The following FLI1 variants were observed in gnomAD, a reference collection of about 807,000 sequenced individuals.
The protein encoded by FLI1 is Friend leukemia integration 1 transcription factor.
Under a neutral mutation model 53.1 loss-of-function variants are expected in FLI1, and 13 were observed. The ratio of observed to expected loss-of-function variants is 0.24; its 90% CI spans 0.16 to 0.39. FLI1 has a LOEUF of 0.39. Ranked by LOEUF, FLI1 falls within the 10% of genes least tolerant of loss-of-function variation. The pLI is 1.00. For missense variants in FLI1, 424 were observed against 600.5 expected, an observed-to-expected ratio of 0.71 and a Z score of 3.07; for synonymous variants, 244 against 236.7, an observed-to-expected ratio of 1.03 and a Z score of -0.28.
upstream of FLI1, chr11:128,693,814 A>C (rs1308064985): frequency 2.6e-5 from 6 of 232,744 alleles, no homozygotes; most frequent in Non-Finnish European, 4.2e-5. Flanking sequence ...GTGTCTGGGC[A>C]TCTCCGCGTA....
intron 1 of FLI1, among the ~76,000 whole-genome samples, chr11:128,739,063 A>T (rs1940021935): frequency 6.6e-6 from 1 of 152,192 alleles, no homozygotes; most frequent in Non-Finnish European, 1.5e-5. Context: ...GCTGCGGATA[A>T]GCACCAAACT....
At chr11:128,718,660 T>G (rs1397061485) in intron 1 of FLI1, among the ~76,000 whole-genome samples, 1 of 152,208 alleles carries the variant, frequency 6.6e-6, no homozygotes, top group Non-Finnish European at 1.5e-5. Flanking sequence ...TTGGTTTGGG[T>G]TTTTTTAGCT....
At chr11:128,709,950 T>A (rs1178851987) in intron 1 of FLI1, among the ~76,000 whole-genome samples, 1 of 152,194 alleles carries the variant, frequency 6.6e-6, no homozygotes, top group Admixed American at 6.5e-5. Flanking sequence ...ATGCTACTAA[T>A]AGGTTTAACT....
At chr11:128,754,274 T>TGC (rs1278848331) in intron 1 of FLI1, among the ~76,000 whole-genome samples, 4 of 144,450 alleles carry the variant, frequency 2.8e-5, no homozygotes, top group Non-Finnish European at 6.1e-5. Context: ...TGTGTGTGTG[T>TGC]GTGCACATAT....
intron 1 of FLI1, among the ~76,000 whole-genome samples, chr11:128,737,526 A>T (rs569305250): frequency 6.6e-6 from 1 of 152,350 alleles, no homozygotes; most frequent in South Asian, 2.1e-4. Context: ...TCATCTGTGA[A>T]CAAGACATTT....
chr11:128,773,939 C>T (rs1335185673), intron 4 of FLI1, among the ~76,000 whole-genome samples: 1 of 152,022 alleles, frequency 6.6e-6, no homozygotes, highest in Non-Finnish European at 1.5e-5. Context: ...TTGTGAATGG[C>T]CAAGGCAGCT....
At chr11:128,688,182 C>T (rs1057340379) in intron 1 of FLI1, among the ~76,000 whole-genome samples, 19 of 152,244 alleles carry the variant, frequency 1.2e-4, no homozygotes, top group African/African-American at 4.1e-4. Flanking sequence ...ATACACACCC[C>T]GGGACCCAGG....
intron 5 of FLI1, among the ~76,000 whole-genome samples, chr11:128,798,697 C>T (rs1423432100): frequency 2.6e-5 from 4 of 152,152 alleles, no homozygotes; most frequent in Admixed American, 2.6e-4. Context: ...ATATTTTCCT[C>T]CTTCCAAGGT....
upstream of FLI1, chr11:128,691,967 G>C (rs1016583242): frequency 2.0e-5 from 3 of 152,140 alleles, no homozygotes; most frequent in African/African-American, 7.2e-5. Flanking sequence ...CACCAGGAAG[G>C]GGGGCCTCCT....
At chr11:128,743,999 G>A (rs1940260850) in intron 1 of FLI1, among the ~76,000 whole-genome samples, 2 of 152,182 alleles carry the variant, frequency 1.3e-5, no homozygotes, top group South Asian at 2.1e-4. Flanking sequence ...CCAATGGAGG[G>A]ACCAGCTGTG....
Position 128,735,961 on chromosome 11 carries a change from T to C in FLI1, c.19-22154T>C, listed in dbSNP as rs114071929. Among the ~76,000 whole-genome samples the C allele has an allele frequency of 8.0e-3, 1,223 of 152,326 alleles. 18 individuals carry two copies. Among genetic ancestry groups the C allele is most frequent in the African/African-American group, 0.028 (1,172 of 41,576 alleles). ...CACGTATCTAGAATTAGGACATGGT[T>C]GATCCCGAAGTTCTTAAATACTGAA... is the stretch of plus-strand genomic sequence containing the variant. On this transcript the variant is annotated intron_variant, in intron 1 of 8. Coordinates refer to ENST00000527786, the MANE Select transcript of FLI1 (RefSeq NM_002017.5).
intron 5 of FLI1, among the ~76,000 whole-genome samples, chr11:128,792,467 G>A (rs905499141): frequency 2.6e-5 from 4 of 152,182 alleles, no homozygotes; most frequent in South Asian, 2.1e-4. Context: ...GTGGGATGGG[G>A]CGGTGGTAAT....
At chr11:128,694,317 C>A (rs1418517541) in intron 1 of FLI1, 41 bp downstream of exon 1, 1 of 1,311,174 alleles carries the variant, frequency 7.6e-7, no homozygotes. Context: ...GGGGACCGGC[C>A]GGGGAGGCGA....
chr11:128,786,161 C>T (rs1314328494), intron 5 of FLI1, among the ~76,000 whole-genome samples: 1 of 152,148 alleles, frequency 6.6e-6, no homozygotes, highest in African/African-American at 2.4e-5. Flanking sequence ...AGCCAAGCTG[C>T]AGCCAAGCTA....
chr11:128,757,745 C>T (rs1366638103), intron 1 of FLI1, among the ~76,000 whole-genome samples: 8 of 152,296 alleles, frequency 5.3e-5, no homozygotes, highest in Non-Finnish European at 1.2e-4. Context: ...TCTGCTTATG[C>T]CTGGAAAAAT....
chr11:128,776,630 G>GAT (rs1178111950), intron 4 of FLI1, among the ~76,000 whole-genome samples: 1 of 152,184 alleles, frequency 6.6e-6, no homozygotes, highest in Non-Finnish European at 1.5e-5. Context: ...TGGCCTGGGC[G>GAT]ATAGACCGAG....
At position 128,811,553 on chromosome 11, in the gene FLI1, G is replaced by A. The variant is rs1369848945; in HGVS notation, c.*565G>A. ...GAAAGAAGGTTTGTGTGTTTAAGAC[G>A]CCAAGGGCATTGCAGAATCCCTCTC... On this transcript the variant is annotated 3_prime_UTR_variant, in exon 9 of 9. Transcript: ENST00000527786. The A allele has an allele frequency of 4.9e-5, 11 of 226,558 alleles. No individual in the cohort carries two copies. The highest frequency in any genetic ancestry group is 3.5e-4 in the South Asian group (2 of 5,688). The allele number at this position is 226,558 out of a possible 1,614,324, so 14.0% of individuals were successfully genotyped here. A position where few individuals can be genotyped will look rare whatever the true frequency, so the allele number is the denominator to read the frequency against.
chr11:128,732,889 G>A lies in FLI1; in HGVS notation c.19-25226G>A, dbSNP rs540665161. 3.3e-4 allele frequency among the ~76,000 whole-genome samples: 50 copies of A among 152,326 alleles called. No individual in the cohort carries two copies. The East Asian group carries it at 9.6e-3, about 29-fold the overall frequency. The stretch of plus-strand genomic sequence containing the variant: ...GGAGGTTTGTGGCAGAGAAAGAGAG[G>A]AAAAATCAGATCTAGAGAAGTAGAG... On this transcript the variant is annotated intron_variant, in intron 1 of 8. Coordinates refer to ENST00000527786, the MANE Select transcript of FLI1 (RefSeq NM_002017.5).
chr11:128,795,971 C>T (rs1211837486), intron 5 of FLI1, among the ~76,000 whole-genome samples: 1 of 152,202 alleles, frequency 6.6e-6, no homozygotes, highest in Non-Finnish European at 1.5e-5. Flanking sequence ...TCTCTCCCGC[C>T]CCTGCCAAGT....
Sources: gnomAD v4.1 joint callset for allele counts (sites outside exome capture counted in the v4.1 genomes callset) on GRCh38, gnomAD v4.1.1 for gene constraint, MANE v1.5 for transcripts, NCBI Gene and HGNC (gene_info 2026-07-23, HGNC 2026-07-21) for gene names.